Variants in DMD observed in about 807,000 individuals in gnomAD.
DMD encodes mutant dystrophin.
In DMD, 63 loss-of-function variants were observed where a neutral mutation model predicts 330.1. That is an observed-to-expected ratio of 0.19 (90% CI 0.16 to 0.24). DMD has a LOEUF of 0.24. Ranked by LOEUF, DMD falls within the 10% of genes least tolerant of loss-of-function variation. DMD has a pLI of 1.00. For missense variants in DMD, 3,344 were observed against 2,684.1 expected (o/e 1.25, Z -5.43); for synonymous variants, 1,223 against 959.8 (o/e 1.27, Z -5.07).
intron 2 of DMD, among the ~76,000 whole-genome samples, chrX:32,961,417 C>T (rs752672821): frequency 3.6e-5 from 4 of 110,559 alleles, no homozygotes; most frequent in Admixed American, 2.9e-4. Context: ...ATTTAATATA[C>T]ACTCATTGCA....
chrX:31,351,974 T>C (rs530307383), intron 60 of DMD, among the ~76,000 whole-genome samples: 2 of 110,575 alleles, frequency 1.8e-5, no homozygotes, highest in African/African-American at 6.6e-5. Flanking sequence ...AGTTAGTAAA[T>C]TGGCAGAGCT....
chrX:33,101,627 T>A (rs2095240457), intron 1 of DMD, among the ~76,000 whole-genome samples: 1 of 109,853 alleles, frequency 9.1e-6, no homozygotes, highest in Non-Finnish European at 1.9e-5. Context: ...CAAGACTCCA[T>A]CTCTCAAAAA....
At chrX:32,782,100 T>G (rs2074825276) in intron 7 of DMD, among the ~76,000 whole-genome samples, 1 of 111,868 alleles carries the variant, frequency 8.9e-6, no homozygotes, top group African/African-American at 3.2e-5. Flanking sequence ...GAATACAATC[T>G]AATGAAAACT....
chrX:32,269,745 A>G (rs1300674984), intron 43 of DMD, among the ~76,000 whole-genome samples: 5 of 112,322 alleles, frequency 4.5e-5, no homozygotes, highest in Admixed American at 9.5e-5. Flanking sequence ...GATTCTAAAT[A>G]AATACTTTTA....
chrX:32,651,939 T>C lies in DMD; in HGVS notation c.961-6787A>G, dbSNP rs765064668. Among the ~76,000 whole-genome samples, 7 of 111,762 alleles carry C rather than the reference T, an allele frequency of 6.3e-5. No individual in the cohort carries two copies. The South Asian group carries it at 2.3e-3, about 36-fold the overall frequency. ...CTGCGCCTTCTGTTAATCCCTATGA[T>C]TTGCCTTTGATGTTAAATGTCAGCA... On this transcript the variant is annotated intron_variant, in intron 9 of 78. Coordinates refer to ENST00000357033, the MANE Select transcript of DMD (RefSeq NM_004006.3).
chrX:33,141,779 G>A (rs986636910), intron 1 of DMD, among the ~76,000 whole-genome samples: 1 of 111,219 alleles, frequency 9.0e-6, no homozygotes, highest in Non-Finnish European at 1.9e-5. Flanking sequence ...TTGCTCTCTA[G>A]GGTAGTAAAA....
intron 2 of DMD, among the ~76,000 whole-genome samples, chrX:32,966,429 C>T (rs1255915170): frequency 1.8e-5 from 2 of 111,406 alleles, no homozygotes; most frequent in Non-Finnish European, 3.8e-5. Context: ...ACCAAAACAG[C>T]CATTTTCATG....
chrX:32,780,613 C>A (rs2148534614), intron 7 of DMD, among the ~76,000 whole-genome samples: 1 of 111,195 alleles, frequency 9.0e-6, no homozygotes, highest in East Asian at 2.8e-4. Flanking sequence ...TAGGTAAAAC[C>A]CAAATACAAC....
At chrX:32,306,718 C>T (rs2097541720) in intron 42 of DMD, among the ~76,000 whole-genome samples, 1 of 110,016 alleles carries the variant, frequency 9.1e-6, no homozygotes, top group Admixed American at 9.8e-5. Context: ...TTCTTCCTTA[C>T]TTCCTCCCTT....
intron 1 of DMD, among the ~76,000 whole-genome samples, chrX:33,089,900 TTC>T (rs1247669434): frequency 9.0e-6 from 1 of 111,293 alleles, no homozygotes; most frequent in Non-Finnish European, 1.9e-5. Flanking sequence ...GTCTCTTGAT[TTC>T]ACAAATTAAG....
In DMD at chrX:31,968,467, C is replaced by A; in HGVS notation, c.6486G>T (p.Leu2162Phe). 2 of 1,210,699 alleles carry A rather than the reference C, an allele frequency of 1.7e-6. No individual in the cohort carries two copies. Among genetic ancestry groups the A allele is most frequent in the Non-Finnish European group, 1.1e-6 (1 of 894,858 alleles). Reference protein sequence around the residue: ...IGQRQTVVRTLNATGEEIIQQ... With the variant: ...IGQRQTVVRTFNATGEEIIQQ... Reference sequence around the variant, plus strand: ...GAATTATTTCTTCCCCAGTTGCATTCAATGTTCTGACAACAGTTTGCCGCT... The same window carrying A: ...GAATTATTTCTTCCCCAGTTGCATTAAATGTTCTGACAACAGTTTGCCGCT... Residue 2162 changes from leucine to phenylalanine, a missense_variant, in exon 45 of 79, where the codon TTG (leucine) becomes TTT (phenylalanine). Leu to Phe is a conservative substitution (Grantham distance 22). Coordinates refer to ENST00000357033, the MANE Select transcript of DMD (RefSeq NM_004006.3).
At chrX:32,016,906 T>C (rs985329061) in intron 44 of DMD, among the ~76,000 whole-genome samples, 2 of 112,586 alleles carry the variant, frequency 1.8e-5, no homozygotes, top group Non-Finnish European at 3.7e-5. Context: ...TAAGTAAATA[T>C]TTGGGATAAG....
At chrX:32,485,832 A>G (rs1463013775) in intron 20 of DMD, among the ~76,000 whole-genome samples, 8 of 97,531 alleles carry the variant, frequency 8.2e-5, no homozygotes, top group African/African-American at 3.9e-5. Flanking sequence ...CAACCTTCAC[A>G]TTCCAGGTTC....
chrX:33,189,811 T>C (rs1160253759), intron 1 of DMD, among the ~76,000 whole-genome samples: 1 of 111,945 alleles, frequency 8.9e-6, no homozygotes, highest in Non-Finnish European at 1.9e-5. Flanking sequence ...TTAAGGCTAA[T>C]TTTAAACTTG....
intron 7 of DMD, among the ~76,000 whole-genome samples, chrX:32,725,423 C>T (rs2066760160): frequency 9.0e-6 from 1 of 110,928 alleles, no homozygotes; most frequent in Admixed American, 9.7e-5. Flanking sequence ...TAAAGATACA[C>T]ATGGGCTGAA....
intron 44 of DMD, among the ~76,000 whole-genome samples, chrX:32,085,558 G>T (rs185030771): frequency 1.1e-5 from 1 of 94,360 alleles, no homozygotes; most frequent in East Asian, 3.2e-4. Context: ...TTCTGCTTCT[G>T]AGTTGTTTCA....
At chrX:32,497,885 C>A (rs2043655722) in intron 19 of DMD, among the ~76,000 whole-genome samples, 1 of 111,191 alleles carries the variant, frequency 9.0e-6, no homozygotes, top group African/African-American at 3.3e-5. Flanking sequence ...TCTTAGAAAA[C>A]CATTATTAGT....
intron 18 of DMD, among the ~76,000 whole-genome samples, chrX:32,502,218 A>G (rs2044131146): frequency 8.9e-6 from 1 of 111,747 alleles, no homozygotes; most frequent in African/African-American, 3.2e-5. Flanking sequence ...AATTACTAAT[A>G]AGTATATAGG....
chrX:32,585,070 T>C (rs1168152511), intron 13 of DMD, among the ~76,000 whole-genome samples: 1 of 111,429 alleles, frequency 9.0e-6, no homozygotes, highest in Admixed American at 9.6e-5. Context: ...GAGGTCATTA[T>C]GTTAAATAAG....
Sources: gnomAD v4.1 joint callset for allele counts (sites outside exome capture counted in the v4.1 genomes callset) on GRCh38, gnomAD v4.1.1 for gene constraint, MANE v1.5 for transcripts, NCBI Gene and HGNC (gene_info 2026-07-23, HGNC 2026-07-21) for gene names.